CCDC85C: variants seen among roughly 807,000 people sequenced by gnomAD.
CCDC85C encodes coiled-coil domain containing 85C, also known as coiled-coil domain-containing protein 85C.
CCDC85C carries 18 observed loss-of-function variants against 38.3 expected under a neutral mutation model. That is an observed-to-expected ratio of 0.47 (90% confidence interval 0.33 to 0.70). CCDC85C has a LOEUF of 0.70. Ranked by LOEUF, CCDC85C falls within the 30% of genes least tolerant of loss-of-function variation. The pLI, the probability that CCDC85C is intolerant of heterozygous loss-of-function variation, is 0.03. For synonymous variants in CCDC85C, 264 were observed against 293.8 expected, an observed-to-expected ratio of 0.90 and a Z score of 1.04; for missense variants, 566 against 621.2, an observed-to-expected ratio of 0.91 and a Z score of 0.94.
chr14:99,541,817 C>T (rs185941654), intron 1 of CCDC85C, among the ~76,000 whole-genome samples: 19 of 152,310 alleles, frequency 1.2e-4, no homozygotes, highest in African/African-American at 4.1e-4. Flanking sequence ...TATCCTCTCT[C>T]CATAGAAGGT....
chr14:99,522,320 C>T, intron 2 of CCDC85C, 80 bp from the exon 3 acceptor site: 1 of 1,083,706 alleles, frequency 9.2e-7, no homozygotes. Flanking sequence ...CTCCTCACGG[C>T]AGCAGGGGCT....
chr14:99,530,924 C>T (rs771532977), intron 2 of CCDC85C, among the ~76,000 whole-genome samples: 11 of 152,254 alleles, frequency 7.2e-5, no homozygotes, highest in Admixed American at 3.9e-4. Context: ...TGATCTCAGA[C>T]TTCCAACCTC....
chr14:99,540,906 T>C (rs1897700119), intron 1 of CCDC85C, among the ~76,000 whole-genome samples: 1 of 152,148 alleles, frequency 6.6e-6, no homozygotes, highest in African/African-American at 2.4e-5. Flanking sequence ...CCATCCCAGA[T>C]ACCCTGCACT....
rs1258221240 is a variant in CCDC85C at position 99,508,757 on chromosome 14, G to A, written c.*6489C>T. 6.6e-6 allele frequency: 1 copy of A among 152,466 alleles called. No individual in the cohort carries two copies. The highest frequency in any genetic ancestry group is 6.5e-5 in the Admixed American group (1 of 15,292). The allele number at this position is 152,466 out of a possible 1,614,324, so 9.4% of individuals were successfully genotyped here. On this transcript the variant is annotated 3_prime_UTR_variant, in exon 6 of 6. Transcript: ENST00000380243. ...TCCAGCTCAGTCACACAGCACAAGGGCAGGCACACTGGTGACTTGAAGATT... is the reference window on the plus strand; with the variant it reads ...TCCAGCTCAGTCACACAGCACAAGGACAGGCACACTGGTGACTTGAAGATT...
intron 1 of CCDC85C, among the ~76,000 whole-genome samples, chr14:99,560,908 G>C (rs1167483563): frequency 1.3e-5 from 2 of 152,202 alleles, no homozygotes; most frequent in Non-Finnish European, 2.9e-5. Flanking sequence ...TCAGAGAACA[G>C]GGCTCCCACA....
chr14:99,546,125 A>G (rs1406759583), intron 1 of CCDC85C, among the ~76,000 whole-genome samples: 1 of 152,028 alleles, frequency 6.6e-6, no homozygotes, highest in Non-Finnish European at 1.5e-5. Flanking sequence ...GGTAGCATAA[A>G]GGGGAGAATT....
At chr14:99,579,690 G>T (rs1460229156) in intron 1 of CCDC85C, among the ~76,000 whole-genome samples, 1 of 152,186 alleles carries the variant, frequency 6.6e-6, no homozygotes, top group Non-Finnish European at 1.5e-5. Flanking sequence ...CAGCTCCCTG[G>T]GGGAGGCAGC....
chr14:99,601,675 C>T (rs2055200080), intron 1 of CCDC85C, among the ~76,000 whole-genome samples: 1 of 152,154 alleles, frequency 6.6e-6, no homozygotes, highest in Non-Finnish European at 1.5e-5. Context: ...TCTGAACAGC[C>T]CCAGCAAATT....
At chr14:99,518,672 A>G (rs1476413987) in intron 3 of CCDC85C, among the ~76,000 whole-genome samples, 1 of 152,124 alleles carries the variant, frequency 6.6e-6, no homozygotes. Flanking sequence ...GCTGCAGAAC[A>G]CAGGCCATGT....
Position 99,572,760 on chromosome 14 carries a change from T to C in CCDC85C, c.793+30407A>G. ...TCCCATCCATGGATTTGTTTGCCAG[T>C]TTATCCATCTTCCAAAGGAGACTTC... On this transcript the variant is annotated intron_variant, in intron 1 of 5. Transcript: ENST00000380243. The surrounding 1 kb of genome is among the most constrained non-coding windows in gnomAD (Gnocchi z 4.4). 2.2e-6 allele frequency: 1 copy of C among 456,110 alleles called. No individual in the cohort carries two copies. The highest frequency in any genetic ancestry group is 4.4e-6 in the Non-Finnish European group (1 of 226,800). The allele number at this position is 456,110 out of a possible 1,614,324, so 28.3% of individuals were successfully genotyped here. A position where few individuals can be genotyped will look rare whatever the true frequency, so the allele number is the denominator to read the frequency against.
intron 1 of CCDC85C, among the ~76,000 whole-genome samples, chr14:99,540,427 G>A (rs1362828237): frequency 6.6e-6 from 1 of 152,226 alleles, no homozygotes; most frequent in Non-Finnish European, 1.5e-5. Flanking sequence ...CTCCCCGGGA[G>A]GACTGTCCTT....
At position 99,501,171 on chromosome 14, in the gene CCDC85C, G is replaced by A. The variant is rs930963709; in HGVS notation, c.*14075C>T. 2.4e-5 allele frequency: 15 copies of A among 613,506 alleles called. No homozygotes were observed. Among genetic ancestry groups the A allele is most frequent in the Middle Eastern group, 4.3e-4 (1 of 2,338 alleles). The allele number at this position is 613,506 out of a possible 1,614,324, so 38.0% of individuals were successfully genotyped here. On this transcript the variant is annotated 3_prime_UTR_variant, in exon 6 of 6. Transcript: ENST00000380243. The stretch of plus-strand genomic sequence containing the variant: ...GGTTTTCCATACATGGTGGTTCAGC[G>A]TAGGTCATGAGGAGGAAGAAGGGGT...
Position 99,516,993 on chromosome 14 carries a change from C to T in CCDC85C, c.1071+95G>A, listed in dbSNP as rs943388980. On this transcript the variant is annotated intron_variant, in intron 4 of 5. Transcript: ENST00000380243. The surrounding 1 kb of genome is among the most constrained non-coding windows in gnomAD (Gnocchi z 5.5). ...CCACACACAGATGAAACCTCCCACC[C>T]CTGCCACTTGGATACCCCTAGGTGC... 14 of 1,184,298 alleles carry T rather than the reference C, an allele frequency of 1.2e-5. No individual in the cohort carries two copies. Among genetic ancestry groups the T allele is most frequent in the Non-Finnish European group, 1.6e-5 (13 of 813,464 alleles). The allele number at this position is 1,184,298 out of a possible 1,614,324, so 73.4% of individuals were successfully genotyped here.
chr14:99,549,765 G>A (rs375942231), intron 1 of CCDC85C, among the ~76,000 whole-genome samples: 4 of 152,212 alleles, frequency 2.6e-5, no homozygotes, highest in Admixed American at 6.5e-5. Context: ...ATTGTTGACC[G>A]AAATGATCAT....
intron 2 of CCDC85C, among the ~76,000 whole-genome samples, chr14:99,525,933 G>C (rs1219259913): frequency 1.3e-5 from 2 of 152,230 alleles, no homozygotes; most frequent in African/African-American, 4.8e-5. Flanking sequence ...GGTGAGCATG[G>C]GCCCTTGGCA....
At chr14:99,600,324 G>A (rs1054137858) in intron 1 of CCDC85C, among the ~76,000 whole-genome samples, 3 of 152,176 alleles carry the variant, frequency 2.0e-5, no homozygotes, top group African/African-American at 4.8e-5. Flanking sequence ...AGAGAGGCTT[G>A]GCCAGTTAAT....
At chr14:99,571,806 T>G (rs942510987) in intron 1 of CCDC85C, among the ~76,000 whole-genome samples, 5 of 152,330 alleles carry the variant, frequency 3.3e-5, no homozygotes, top group South Asian at 4.1e-4. Flanking sequence ...ATGCCCCCTG[T>G]GACAAGAGCC....
In CCDC85C at chr14:99,509,096, C is replaced by T. The variant is rs562054545; in HGVS notation, c.*6150G>A. On this transcript the variant is annotated 3_prime_UTR_variant, in exon 6 of 6. Coordinates refer to ENST00000380243, the MANE Select transcript of CCDC85C (RefSeq NM_001144995.2). ...TCATGCTCGCTTTGGCAAGATCAAA[C>T]GGGTTGTGTGCCAATGGCCACGTCT... 1.4e-4 allele frequency: 22 copies of T among 152,366 alleles called. No individual in the cohort carries two copies. The highest frequency in any genetic ancestry group is 3.9e-4 in the Admixed American group (6 of 15,310). 9.4% of individuals were successfully genotyped at this position (152,366 alleles called of 1,614,324 possible).
chr14:99,526,213 G>A (rs1235249609), intron 2 of CCDC85C, among the ~76,000 whole-genome samples: 1 of 152,182 alleles, frequency 6.6e-6, no homozygotes, highest in Admixed American at 6.5e-5. Flanking sequence ...CAGTTTCACC[G>A]CAGCTGAAGA....
Sources: gnomAD v4.1 joint callset for allele counts (sites outside exome capture counted in the v4.1 genomes callset) on GRCh38, gnomAD v4.1.1 for gene constraint, Gnocchi (gnomAD v3.1) non-coding constraint, MANE v1.5 for transcripts, NCBI Gene and HGNC (gene_info 2026-07-23, HGNC 2026-07-21) for gene names.